NHS: variants seen among roughly 807,000 people sequenced by gnomAD.
NHS encodes actin remodeling regulator NHS.
In NHS, 5 loss-of-function variants were observed where a neutral mutation model predicts 72.5. The ratio of observed to expected loss-of-function variants is 0.07; its 90% CI spans 0.04 to 0.14. NHS has a LOEUF of 0.14. Among genes scored for constraint, NHS ranks in the 10% least tolerant of loss-of-function variants. NHS has a pLI of 1.00. For synonymous variants in NHS, 464 were observed against 547.7 expected (o/e 0.85, Z 2.13); for missense variants, 1,072 against 1,355.7 (o/e 0.79, Z 3.29).
intron 3 of NHS, among the ~76,000 whole-genome samples, chrX:17,698,319 A>G (rs897105028): frequency 2.7e-5 from 3 of 112,280 alleles, no homozygotes; most frequent in Non-Finnish European, 3.8e-5. Flanking sequence ...TATTTTGCAG[A>G]CCTCTGTGCA....
chrX:17,521,366 C>CTTTTTTTT (rs766662277), intron 1 of NHS, among the ~76,000 whole-genome samples: 8 of 97,348 alleles, frequency 8.2e-5, no homozygotes, highest in African/African-American at 3.0e-4. Flanking sequence ...TCCCTTCCCT[C>CTTTTTTTT]TTTTTTTTTT....
intron 5 of NHS, among the ~76,000 whole-genome samples, chrX:17,722,490 T>C (rs966391491): frequency 8.0e-5 from 9 of 111,853 alleles, no homozygotes; most frequent in African/African-American, 2.9e-4. Flanking sequence ...TGCATGTCAC[T>C]TGAGATGCAT....
intron 1 of NHS, among the ~76,000 whole-genome samples, chrX:17,378,790 T>G (rs190410506): frequency 1.8e-5 from 2 of 112,053 alleles, no homozygotes; most frequent in Admixed American, 9.4e-5. Context: ...TGCACCAGCT[T>G]CTTCTTCCCA....
intron 1 of NHS, among the ~76,000 whole-genome samples, chrX:17,591,280 T>C (rs2065601673): frequency 8.9e-6 from 1 of 111,770 alleles, no homozygotes; most frequent in African/African-American, 3.3e-5. Context: ...GAGGGCACCC[T>C]GCATTTTGCA....
At chrX:17,529,220 T>C (rs1175264747) in intron 1 of NHS, among the ~76,000 whole-genome samples, 1 of 111,514 alleles carries the variant, frequency 9.0e-6, no homozygotes, top group Non-Finnish European at 1.9e-5. Flanking sequence ...CTGCTGCTCA[T>C]TGAGTTATTT....
chrX:17,501,368 TG>T (rs1455483275), intron 1 of NHS, among the ~76,000 whole-genome samples: 1 of 90,237 alleles, frequency 1.1e-5, no homozygotes, highest in Non-Finnish European at 2.2e-5. Flanking sequence ...AAAAAAAAAG[TG>T]GGGGGATTAG....
At chrX:17,645,975 T>C (rs983403579) in intron 1 of NHS, among the ~76,000 whole-genome samples, 5 of 111,681 alleles carry the variant, frequency 4.5e-5, no homozygotes, top group African/African-American at 1.6e-4. Flanking sequence ...TAGAGATAGG[T>C]TCTTGCTCTT....
chrX:17,378,999 A>G (rs1167576892), intron 1 of NHS, among the ~76,000 whole-genome samples: 1 of 111,809 alleles, frequency 8.9e-6, no homozygotes, highest in Non-Finnish European at 1.9e-5. Flanking sequence ...TTATGCATCT[A>G]TCTCCCTTTA....
intron 1 of NHS, among the ~76,000 whole-genome samples, chrX:17,596,104 A>G (rs1038285506): frequency 1.8e-5 from 2 of 112,051 alleles, no homozygotes; most frequent in Non-Finnish European, 3.8e-5. Context: ...GTAGCTTCAA[A>G]TCTCACAAAG....
At chrX:17,644,768 A>G (rs2065898115) in intron 1 of NHS, among the ~76,000 whole-genome samples, 1 of 111,251 alleles carries the variant, frequency 9.0e-6, no homozygotes, top group Non-Finnish European at 1.9e-5. Flanking sequence ...TATGTTATGT[A>G]ATATAAAATA....
intron 1 of NHS, among the ~76,000 whole-genome samples, chrX:17,554,679 GA>G (rs1361326462): frequency 9.0e-6 from 1 of 111,492 alleles, no homozygotes; most frequent in Non-Finnish European, 1.9e-5. Context: ...ATTCTAGTAG[GA>G]GCCATTGTTC....
chrX:17,683,241 C>T (rs780626052), intron 1 of NHS, among the ~76,000 whole-genome samples: 2 of 112,289 alleles, frequency 1.8e-5, no homozygotes, highest in Admixed American at 9.4e-5. Flanking sequence ...TATAATAGAA[C>T]ACATCTTCCC....
chrX:17,507,265 T>A, intron 1 of NHS, among the ~76,000 whole-genome samples: 1 of 112,403 alleles, frequency 8.9e-6, no homozygotes, highest in South Asian at 3.7e-4. Context: ...TCATTAACAA[T>A]CATGAAATGA....
chrX:17,637,267 GC>G (rs2065855099), intron 1 of NHS, among the ~76,000 whole-genome samples: 1 of 111,924 alleles, frequency 8.9e-6, no homozygotes, highest in Non-Finnish European at 1.9e-5. Flanking sequence ...ATAAGGCCCT[GC>G]CAGAAGTTTC....
chrX:17,449,460 GA>G (rs1267136862), intron 1 of NHS, among the ~76,000 whole-genome samples: 3 of 112,676 alleles, frequency 2.7e-5, no homozygotes, highest in African/African-American at 9.7e-5. Context: ...ATACAGGTCA[GA>G]AGAGTGATTA....
At chrX:17,439,697 A>G (rs1449169583) in intron 1 of NHS, among the ~76,000 whole-genome samples, 1 of 112,129 alleles carries the variant, frequency 8.9e-6, no homozygotes, top group East Asian at 2.8e-4. Context: ...GACACTTCAG[A>G]TGCTTCTAGT....
intron 1 of NHS, among the ~76,000 whole-genome samples, chrX:17,467,845 A>G (rs1355418332): frequency 1.8e-5 from 2 of 112,097 alleles, no homozygotes; most frequent in Admixed American, 9.4e-5. Flanking sequence ...AAAAGACATT[A>G]TATAATTGAT....
intron 1 of NHS, among the ~76,000 whole-genome samples, chrX:17,441,654 T>TTTCC (rs746989423): frequency 0.01 from 1,135 of 111,118 alleles, 3 homozygotes; most frequent in Non-Finnish European, 0.018. Context: ...CCTTCCAGTT[T>TTTCC]TTCCTTCCTT....
At chrX:17,494,030 A>G (rs891593010) in intron 1 of NHS, among the ~76,000 whole-genome samples, 11 of 108,573 alleles carry the variant, frequency 1.0e-4, no homozygotes, top group Admixed American at 4.9e-4. Context: ...GGAAGATTAA[A>G]TGAGGCAATG....
Sources: gnomAD v4.1 joint callset for allele counts (sites outside exome capture counted in the v4.1 genomes callset) on GRCh38, gnomAD v4.1.1 for gene constraint, MANE v1.5 for transcripts, NCBI Gene and HGNC (gene_info 2026-07-23, HGNC 2026-07-21) for gene names.